Variants in FGF5 observed in about 807,000 individuals in gnomAD.
FGF5 encodes the protein fibroblast growth factor 5, also known as heparin-binding growth factor 5.
FGF5 carries 23 observed loss-of-function variants against 21.8 expected under a neutral mutation model. The observed-to-expected ratio is 1.05, with a 90% CI of 0.76 to 1.49. The LOEUF is 1.49. FGF5 is among the 40% of genes most tolerant of loss of function. The pLI is 0.00. For missense variants in FGF5, 352 were observed against 332.9 expected (o/e 1.06, Z -0.45); for synonymous variants, 158 against 124.0 (o/e 1.27, Z -1.82).
rs201516192 is a variant in FGF5 at position 80,286,690 on chromosome 4, T to C, written c.*18T>C. On this transcript the variant is annotated 3_prime_UTR_variant, in exon 3 of 3. Coordinates refer to ENST00000312465, the MANE Select transcript of FGF5 (RefSeq NM_004464.4). Reference sequence around the variant, plus strand: ...TTGGATAATATTCCTCTTGGCCTTGTGAGAAACCATTCTTTCCCCTCAGGA... The same window carrying C: ...TTGGATAATATTCCTCTTGGCCTTGCGAGAAACCATTCTTTCCCCTCAGGA... 1 of 1,593,104 alleles carries C rather than the reference T, an allele frequency of 6.3e-7. No individual in the cohort carries two copies. Among genetic ancestry groups the C allele is most frequent in the Non-Finnish European group, 8.6e-7 (1 of 1,163,334 alleles).
chr4:80,282,338 G>T (rs1465379473), intron 2 of FGF5, among the ~76,000 whole-genome samples: 1 of 151,848 alleles, frequency 6.6e-6, no homozygotes, highest in Non-Finnish European at 1.5e-5. Context: ...AAAATAGTTC[G>T]ATTTGTTTAA....
chr4:80,269,788 G>GT (rs35218300), intron 1 of FGF5, among the ~76,000 whole-genome samples: 3,154 of 144,498 alleles, frequency 0.022, 33 homozygotes, highest in Middle Eastern at 0.04. Flanking sequence ...CTTCCATAGA[G>GT]TTTTTTTTTT....
Position 80,288,426 on chromosome 4 carries a change from C to T in FGF5, c.*1754C>T, listed in dbSNP as rs1478139095. The T allele has an allele frequency of 6.6e-6, 1 of 152,028 alleles. No homozygotes were observed. Among genetic ancestry groups the T allele is most frequent in the East Asian group, 1.9e-4 (1 of 5,196 alleles). 9.4% of individuals were successfully genotyped at this position (152,028 alleles called of 1,614,324 possible). ...AAAGCCAATTATCTGATTAAGCATT[C>T]TTTCCACTGAATGCATAATGTTTAA... On this transcript the variant is annotated 3_prime_UTR_variant, in exon 3 of 3. Coordinates refer to ENST00000312465, the MANE Select transcript of FGF5 (RefSeq NM_004464.4).
chr4:80,279,532 T>G (rs1720499556), intron 2 of FGF5, among the ~76,000 whole-genome samples: 1 of 152,176 alleles, frequency 6.6e-6, no homozygotes, highest in South Asian at 2.1e-4. Flanking sequence ...CTTATAGGTG[T>G]CCCTTATCTA....
At chr4:80,281,190 G>A (rs932159521) in intron 2 of FGF5, among the ~76,000 whole-genome samples, 1 of 152,014 alleles carries the variant, frequency 6.6e-6, no homozygotes, top group African/African-American at 2.4e-5. Flanking sequence ...AGCCCTCTGG[G>A]TGCTTGCTAT....
At chr4:80,269,482 G>C (rs1720208286) in intron 1 of FGF5, among the ~76,000 whole-genome samples, 1 of 152,168 alleles carries the variant, frequency 6.6e-6, no homozygotes, top group Non-Finnish European at 1.5e-5. Flanking sequence ...AGATCAAAAA[G>C]AGTGCACCCA....
chr4:80,277,353 C>A (rs35431927), intron 2 of FGF5, among the ~76,000 whole-genome samples: 1 of 151,990 alleles, frequency 6.6e-6, no homozygotes, highest in Non-Finnish European at 1.5e-5. Flanking sequence ...AAATATTAAG[C>A]CTATGATTAT....
chr4:80,280,553 C>T (rs1720523390), intron 2 of FGF5, among the ~76,000 whole-genome samples: 1 of 152,132 alleles, frequency 6.6e-6, no homozygotes, highest in Non-Finnish European at 1.5e-5. Context: ...TCAGAAGATG[C>T]AATTTAAATC....
In FGF5 at chr4:80,290,075, G is replaced by C. The variant is rs529716811; in HGVS notation, c.*3403G>C. 1 of 151,886 alleles carries C rather than the reference G, an allele frequency of 6.6e-6. No individual in the cohort carries two copies. Among genetic ancestry groups the C allele is most frequent in the African/African-American group, 2.4e-5 (1 of 41,438 alleles). 9.4% of individuals were successfully genotyped at this position (151,886 alleles called of 1,614,324 possible). On this transcript the variant is annotated 3_prime_UTR_variant, in exon 3 of 3. Transcript: ENST00000312465. ...CTTATCCCATTTTCAATAACAAAAC[G>C]AAACTATGGCACTAACCAAAAACTT...
At chr4:80,271,529 G>A (rs769431670) in intron 1 of FGF5, among the ~76,000 whole-genome samples, 7 of 152,058 alleles carry the variant, frequency 4.6e-5, no homozygotes, top group Non-Finnish European at 8.8e-5. Context: ...CGTCCACCCC[G>A]TGCCTTCTCA....
chr4:80,287,945 G>C lies in FGF5; in HGVS notation c.*1273G>C, dbSNP rs1176309335. 1 of 152,048 alleles carries C rather than the reference G, an allele frequency of 6.6e-6. No individual in the cohort carries two copies. The highest frequency in any genetic ancestry group is 1.9e-4 in the East Asian group (1 of 5,200). The allele number at this position is 152,048 out of a possible 1,614,324, so 9.4% of individuals were successfully genotyped here. The stretch of plus-strand genomic sequence containing the variant: ...TTTGGGAATTTGTTGTGTTGAAATG[G>C]CATTTAATTTCAACCTAAATACTGA... On this transcript the variant is annotated 3_prime_UTR_variant, in exon 3 of 3. Transcript: ENST00000312465.
At chr4:80,278,657 T>C (rs1274183112) in intron 2 of FGF5, among the ~76,000 whole-genome samples, 2 of 152,200 alleles carry the variant, frequency 1.3e-5, no homozygotes, top group Admixed American at 6.5e-5. Context: ...ATTCCATTTT[T>C]GTGCTAAATT....
intron 2 of FGF5, among the ~76,000 whole-genome samples, chr4:80,277,568 T>C (rs10518237): frequency 0.049 from 7,431 of 152,240 alleles, 350 homozygotes; most frequent in African/African-American, 0.12. Context: ...TAGTTAAACA[T>C]GCTGGGAAAT....
At position 80,289,968 on chromosome 4, in the gene FGF5, C is replaced by A. The variant is rs1365000339; in HGVS notation, c.*3296C>A. 1 of 151,942 alleles carries A rather than the reference C, an allele frequency of 6.6e-6. No individual in the cohort carries two copies. The highest frequency in any genetic ancestry group is 1.5e-5 in the Non-Finnish European group (1 of 67,966). The allele number at this position is 151,942 out of a possible 1,614,324, so 9.4% of individuals were successfully genotyped here. A position where few individuals can be genotyped will look rare whatever the true frequency, so the allele number is the denominator to read the frequency against. On this transcript the variant is annotated 3_prime_UTR_variant, in exon 3 of 3. Coordinates refer to ENST00000312465, the MANE Select transcript of FGF5 (RefSeq NM_004464.4). Reference sequence around the variant, plus strand: ...CTGGTAGGTAAATTTCTTATTAAATCAATCTTGAAATAGAAAATGTAATAA... The same window carrying A: ...CTGGTAGGTAAATTTCTTATTAAATAAATCTTGAAATAGAAAATGTAATAA...
intron 2 of FGF5, among the ~76,000 whole-genome samples, chr4:80,279,489 G>C (rs1296747309): frequency 6.6e-6 from 1 of 152,102 alleles, no homozygotes; most frequent in South Asian, 2.1e-4. Flanking sequence ...ATTTATCACT[G>C]ACCTTTTCTT....
intron 2 of FGF5, among the ~76,000 whole-genome samples, chr4:80,285,652 T>C (rs1188591714): frequency 6.6e-6 from 1 of 152,180 alleles, no homozygotes; most frequent in Admixed American, 6.5e-5. Flanking sequence ...GCAGATATTT[T>C]GTGTGTGTGT....
At position 80,289,482 on chromosome 4, in the gene FGF5, T is replaced by C. The variant is rs1297144691; in HGVS notation, c.*2810T>C. ...CCAAATATCAAATAAAATTATTTGG[T>C]TATGGTTATGTTCATCTAAACACAA... On this transcript the variant is annotated 3_prime_UTR_variant, in exon 3 of 3. Coordinates refer to ENST00000312465, the MANE Select transcript of FGF5 (RefSeq NM_004464.4). The C allele has an allele frequency of 6.6e-6, 1 of 152,130 alleles. No homozygotes were observed. 9.4% of individuals were successfully genotyped at this position (152,130 alleles called of 1,614,324 possible).
At position 80,289,850 on chromosome 4, in the gene FGF5, A is replaced by G. The variant is rs1720845387; in HGVS notation, c.*3178A>G. 1 of 152,164 alleles carries G rather than the reference A, an allele frequency of 6.6e-6. No homozygotes were observed. The highest frequency in any genetic ancestry group is 2.1e-4 in the South Asian group (1 of 4,832). 9.4% of individuals were successfully genotyped at this position (152,164 alleles called of 1,614,324 possible). On this transcript the variant is annotated 3_prime_UTR_variant, in exon 3 of 3. Transcript: ENST00000312465. ...AGAAGTTATTTCCAAGTTTGTGTATATATTATAAAAATTACATATATAAAA... is the reference window on the plus strand; with the variant it reads ...AGAAGTTATTTCCAAGTTTGTGTATGTATTATAAAAATTACATATATAAAA...
chr4:80,286,525 G>A lies in FGF5; in HGVS notation c.660G>A (p.Lys220=). ...HISTHFLPRF[K]QSEQPELSFT... is the part of the protein sequence containing the mutation. ...CTACCCATTTTCTGCCAAGATTCAA[G>A]CAGTCGGAGCAGCCAGAACTTTCTT... The change falls in exon 3 of 3, where the codon AAG becomes AAA. Residue 220 remains lysine (K), a synonymous_variant. Transcript: ENST00000312465. The A allele has an allele frequency of 1.2e-6, 2 of 1,613,906 alleles. No individual in the cohort carries two copies. Among genetic ancestry groups the A allele is most frequent in the Non-Finnish European group, 1.7e-6 (2 of 1,179,948 alleles).
Sources: gnomAD v4.1 joint callset for allele counts (sites outside exome capture counted in the v4.1 genomes callset) on GRCh38, gnomAD v4.1.1 for gene constraint, MANE v1.5 for transcripts, NCBI Gene and HGNC (gene_info 2026-07-23, HGNC 2026-07-21) for gene names.